MRPL39: variants seen among roughly 807,000 people sequenced by gnomAD.
MRPL39 encodes the protein large ribosomal subunit protein mL39.
In MRPL39, 35 loss-of-function variants were observed where a neutral mutation model predicts 44.5. The ratio of observed to expected loss-of-function variants is 0.79; its 90% CI spans 0.60 to 1.04. MRPL39 has a LOEUF of 1.04. Ranked by LOEUF, MRPL39 falls within the 50% of genes least tolerant of loss-of-function variation. The pLI, the probability that MRPL39 is intolerant of heterozygous loss-of-function variation, is 0.00. For missense variants in MRPL39, 433 were observed against 413.5 expected (o/e 1.05, Z -0.41); for synonymous variants, 139 against 136.1 (o/e 1.02, Z -0.15).
chr21:25,586,628 A>G (rs2031006071), intron 9 of MRPL39, among the ~76,000 whole-genome samples: 1 of 152,172 alleles, frequency 6.6e-6, no homozygotes, highest in Non-Finnish European at 1.5e-5. Context: ...CTGTTTTTGG[A>G]CTGACTCTTT....
intron 3 of MRPL39, among the ~76,000 whole-genome samples, chr21:25,602,919 G>C (rs1240618202): frequency 6.6e-6 from 1 of 152,196 alleles, no homozygotes. Context: ...AGACCTGGTA[G>C]AAGGTGACTG....
chr21:25,593,891 A>G lies in MRPL39; in HGVS notation c.767+2T>C. 6.2e-7 allele frequency: 1 copy of G among 1,612,470 alleles called. No individual in the cohort carries two copies. Among genetic ancestry groups the G allele is most frequent in the Non-Finnish European group, 8.5e-7 (1 of 1,178,958 alleles). On this transcript the variant is annotated splice_donor_variant, in intron 7 of 9. Transcript: ENST00000352957. LOFTEE classifies it high-confidence loss of function. ...GCAGCCAGTTTTTAGACTTTTACTTACCTGTGTAGCTTGACTATTCTCTCA... is the reference window on the plus strand; with the variant it reads ...GCAGCCAGTTTTTAGACTTTTACTTGCCTGTGTAGCTTGACTATTCTCTCA...
intron 9 of MRPL39, among the ~76,000 whole-genome samples, chr21:25,588,201 A>G (rs2031062764): frequency 6.6e-6 from 1 of 152,008 alleles, no homozygotes; most frequent in African/African-American, 2.4e-5. Flanking sequence ...AGTCCCAGCT[A>G]CTTGGGAGGC....
chr21:25,594,986 T>C (rs987099628), intron 6 of MRPL39, among the ~76,000 whole-genome samples: 22 of 152,230 alleles, frequency 1.4e-4, no homozygotes, highest in Admixed American at 1.4e-3. Flanking sequence ...CTTTATTCAA[T>C]TCATTATCAA....
chr21:25,606,489 C>T lies in MRPL39; in HGVS notation c.240G>A (p.Val80=). ...VGKTDPGTVF[V]MNKNISTPYS... ...AGGGAGTTGAAATGTTTTTATTCAT[C>T]ACGAAGACAGTACCGGGGTCAGTTT... The change falls in exon 2 of 10, where the codon GTG becomes GTA. Residue 80 remains valine, a synonymous_variant. Transcript: ENST00000352957. The T allele has an allele frequency of 1.2e-6, 2 of 1,613,012 alleles. No individual in the cohort carries two copies. The highest frequency in any genetic ancestry group is 1.7e-6 in the Non-Finnish European group (2 of 1,179,592).
At chr21:25,600,820 G>A (rs2031498977) in intron 4 of MRPL39, among the ~76,000 whole-genome samples, 1 of 151,964 alleles carries the variant, frequency 6.6e-6, no homozygotes, top group Non-Finnish European at 1.5e-5. Flanking sequence ...AAAAATAAAC[G>A]CTAAGGGCCG....
At chr21:25,592,995 C>A in intron 7 of MRPL39, 30 bp from the exon 8 acceptor site, 2 of 1,547,390 alleles carry the variant, frequency 1.3e-6, no homozygotes, top group Non-Finnish European at 1.7e-6. Flanking sequence ...ATAAACAAAA[C>A]TGCAACATCA....
chr21:25,604,049 T>C, intron 2 of MRPL39, 114 bp from the exon 3 acceptor site: 1 of 987,748 alleles, frequency 1.0e-6, no homozygotes. Context: ...CAGACTGTCC[T>C]TTTTAGAGAA....
rs185509662 is a variant in MRPL39, at chr21:25,588,038, G to A, written c.969+797C>T. On this transcript the variant is annotated intron_variant, in intron 9 of 9. Coordinates refer to ENST00000352957, the MANE Select transcript of MRPL39 (RefSeq NM_017446.4). Reference sequence around the variant, plus strand: ...AGAAATACAATCACCCGGGCCGGGCGCGGTGGCTCACGCCTGTAATCCCAG... The same window carrying A: ...AGAAATACAATCACCCGGGCCGGGCACGGTGGCTCACGCCTGTAATCCCAG... 7.2e-5 allele frequency among the ~76,000 whole-genome samples: 11 copies of A among 152,304 alleles called. No homozygotes were observed. In the East Asian group the frequency reaches 1.3e-3, roughly 19 times the overall value.
At chr21:25,602,198 C>T (rs2031543943) in intron 3 of MRPL39, among the ~76,000 whole-genome samples, 1 of 152,160 alleles carries the variant, frequency 6.6e-6, no homozygotes, top group South Asian at 2.1e-4. Flanking sequence ...AAGTACAGAC[C>T]CAGGCCTTGA....
intron 9 of MRPL39, among the ~76,000 whole-genome samples, chr21:25,588,478 C>A (rs1488306436): frequency 1.3e-5 from 2 of 152,170 alleles, no homozygotes; most frequent in Non-Finnish European, 2.9e-5. Context: ...ATACACCTGA[C>A]AAATCTTAAT....
intron 8 of MRPL39, among the ~76,000 whole-genome samples, chr21:25,591,982 A>G (rs546330720): frequency 6.6e-6 from 1 of 152,372 alleles, no homozygotes; most frequent in South Asian, 2.1e-4. Context: ...ACTTAGCAAT[A>G]AGAATGAATG....
At chr21:25,587,673 A>T in intron 9 of MRPL39, 1 of 1,489,914 alleles carries the variant, frequency 6.7e-7, no homozygotes, top group Non-Finnish European at 9.4e-7. Flanking sequence ...GCACAAACTT[A>T]TATGAATAAT....
In MRPL39 at chr21:25,592,931, G is replaced by C. The variant is rs759120077; in HGVS notation, c.802C>G (p.Leu268Val). ...GDFIDVSEGP[L>V]IPRTSICFQY... ...AAACAAATACTTGTTCTTGGAATAA[G>C]AGGGCCCTCACTCACATCAATGAAG... The change falls in exon 8 of 10, where the codon CTT becomes GTT. Residue 268 changes from leucine to valine, a missense_variant. By Grantham distance (32) the Leu-to-Val change is conservative. Coordinates refer to ENST00000352957, the MANE Select transcript of MRPL39 (RefSeq NM_017446.4). 6.2e-7 allele frequency: 1 copy of C among 1,613,464 alleles called. No homozygotes were observed. The highest frequency in any genetic ancestry group is 1.3e-5 in the African/African-American group (1 of 75,004).
In MRPL39 at chr21:25,599,803, G is replaced by T; in HGVS notation, c.584C>A (p.Thr195Lys). The T allele has an allele frequency of 6.2e-7, 1 of 1,610,002 alleles. No individual in the cohort carries two copies. Among genetic ancestry groups the T allele is most frequent in the South Asian group, 1.1e-5 (1 of 90,956 alleles). Residue 195 changes from threonine (T) to lysine (K), a missense_variant, in exon 5 of 10, where the codon ACA becomes AAA. Thr to Lys is a moderately conservative substitution (Grantham distance 78). Transcript: ENST00000352957. ...LDSKLDEWMP[T>K]KENLRSFTKD... is the part of the protein sequence containing the mutation. Reference sequence around the variant, plus strand: ...ACTCCAGAAGAATACACTTACTTTTGTTGGCATCCACTCATCAAGTTTGCT... The same window carrying T: ...ACTCCAGAAGAATACACTTACTTTTTTTGGCATCCACTCATCAAGTTTGCT...
chr21:25,598,164 A>G (rs568144916), intron 5 of MRPL39, among the ~76,000 whole-genome samples: 1 of 152,318 alleles, frequency 6.6e-6, no homozygotes, highest in Non-Finnish European at 1.5e-5. Context: ...TACTGTATAA[A>G]AAAATCAACA....
At chr21:25,593,050 GCTGCTAACATCC>G in intron 7 of MRPL39, 85 bp from the exon 8 acceptor site, 1 of 1,191,714 alleles carries the variant, frequency 8.4e-7, no homozygotes, top group Non-Finnish European at 1.2e-6. Flanking sequence ...CCTTCTCTTT[GCTGCTAACATCC>G]CTAATCAAGA....
intron 6 of MRPL39, among the ~76,000 whole-genome samples, chr21:25,596,062 T>C (rs889526347): frequency 5.3e-5 from 8 of 152,326 alleles, no homozygotes; most frequent in East Asian, 3.9e-4. Context: ...AAATTTTCAA[T>C]GTCCACTTTG....
chr21:25,604,613 C>T (rs1490871440), intron 2 of MRPL39, among the ~76,000 whole-genome samples: 3 of 152,232 alleles, frequency 2.0e-5, no homozygotes, highest in Middle Eastern at 3.4e-3. Context: ...TATTAACTCC[C>T]GGATAAGCCA....
Sources: gnomAD v4.1 joint callset for allele counts (sites outside exome capture counted in the v4.1 genomes callset) on GRCh38, gnomAD v4.1.1 for gene constraint, MANE v1.5 for transcripts, NCBI Gene and HGNC (gene_info 2026-07-23, HGNC 2026-07-21) for gene names.